The following INTS13 variants were observed in gnomAD, a reference collection of about 807,000 sequenced individuals.
INTS13 encodes asunder, spermatogenesis regulator homolog (Drosphila).
A neutral mutation model predicts 90.2 loss-of-function variants in INTS13; 35 were observed. The observed-to-expected ratio is 0.39, with a 90% CI of 0.30 to 0.51. The LOEUF is 0.51. INTS13 is among the 20% of genes least tolerant of loss of function. The pLI, the probability that INTS13 is intolerant of heterozygous loss-of-function variation, is 0.80. For synonymous variants in INTS13, 309 were observed against 277.1 expected (o/e 1.11, Z -1.14); for missense variants, 601 against 851.2 (o/e 0.71, Z 3.66).
intron 14 of INTS13, 139 bp downstream of exon 14, chr12:26,913,318 T>C: frequency 3.0e-6 from 2 of 675,648 alleles, no homozygotes; most frequent in Non-Finnish European, 5.0e-6. Context: ...TTAAGAATGA[T>C]AAAATTACAG....
intron 3 of INTS13, among the ~76,000 whole-genome samples, chr12:26,931,524 G>A (rs550463037): frequency 2.0e-5 from 3 of 152,202 alleles, no homozygotes; most frequent in Admixed American, 6.5e-5. Context: ...CATAGCACCC[G>A]TTAACAAAAA....
rs188457583 is a variant in INTS13, at chr12:26,920,115, G to A, written c.890-2382C>T. On this transcript the variant is annotated intron_variant, in intron 8 of 16. Transcript: ENST00000261191. ...TGCACTCCAGCCTGGGCGACAGAGCGAGACTCTGTCTCAAAAAAAAAAAAA... is the reference window on the plus strand; with the variant it reads ...TGCACTCCAGCCTGGGCGACAGAGCAAGACTCTGTCTCAAAAAAAAAAAAA... Among the ~76,000 whole-genome samples, 754 of 136,644 alleles carry A rather than the reference G, an allele frequency of 5.5e-3. 3 individuals carry two copies. Among genetic ancestry groups the A allele is most frequent in the African/African-American group, 0.02 (710 of 36,088 alleles). The allele number at this position is 136,644 out of a possible 152,430, so 89.6% of individuals were successfully genotyped here. A position where few individuals can be genotyped will look rare whatever the true frequency, so the allele number is the denominator to read the frequency against.
At chr12:26,925,635 A>T in intron 6 of INTS13, 126 bp downstream of exon 6, 2 of 770,864 alleles carry the variant, frequency 2.6e-6, no homozygotes, top group Non-Finnish European at 4.0e-6. Flanking sequence ...ATAGAGGTTT[A>T]CTTTGAAAAC....
Position 26,937,859 on chromosome 12 carries a change from G to C in INTS13, c.-75C>G. 1 of 152,864 alleles carries C rather than the reference G, an allele frequency of 6.5e-6. No homozygotes were observed. Among genetic ancestry groups the C allele is most frequent in the East Asian group, 1.9e-4 (1 of 5,196 alleles). 9.5% of individuals were successfully genotyped at this position (152,864 alleles called of 1,614,324 possible). ...ATGGACCACAGCCTCTCTGGAAAAG[G>C]CTGCTGGCTGGGCGGGGAGAGTCAG... On this transcript the variant is annotated 5_prime_UTR_variant, in exon 1 of 17. Coordinates refer to ENST00000261191, the MANE Select transcript of INTS13 (RefSeq NM_018164.3).
At chr12:26,929,050 A>C (rs1418047482) in intron 3 of INTS13, 145 bp from the exon 4 acceptor site, 5 of 680,576 alleles carry the variant, frequency 7.3e-6, no homozygotes, top group Non-Finnish European at 1.2e-5. Context: ...CAAATCCAGT[A>C]ACACACAAAG....
intron 15 of INTS13, 23 bp from the exon 16 acceptor site, chr12:26,906,460 A>T (rs1480945401): frequency 5.1e-6 from 8 of 1,581,666 alleles, no homozygotes; most frequent in Non-Finnish European, 6.8e-6. Context: ...TTAAAAGGAG[A>T]GAGAAAAAAA....
Position 26,917,737 on chromosome 12 carries a change from TA to T in INTS13, c.890-5del. ...CCGCCACCTAGATGCGAATCACCTT[TA>T]AAAATATGTCAGAGACATTACACAT... On this transcript the variant is annotated splice_region_variant and splice_polypyrimidine_tract_variant and intron_variant, in intron 8 of 16. Coordinates refer to ENST00000261191, the MANE Select transcript of INTS13 (RefSeq NM_018164.3). The T allele has an allele frequency of 3.2e-6, 5 of 1,586,012 alleles. No homozygotes were observed. Among genetic ancestry groups the T allele is most frequent in the Non-Finnish European group, 4.3e-6 (5 of 1,160,832 alleles).
intron 12 of INTS13, 43 bp downstream of exon 12, chr12:26,914,365 T>C (rs1162879245): frequency 3.2e-6 from 5 of 1,541,368 alleles, no homozygotes; most frequent in South Asian, 2.5e-5. Context: ...ATAAAGAATA[T>C]ATAACTAATC....
At chr12:26,911,355 T>A (rs763690137) in intron 14 of INTS13, 38 bp from the exon 15 acceptor site, 1 of 1,555,804 alleles carries the variant, frequency 6.4e-7, no homozygotes, top group African/African-American at 1.4e-5. Context: ...AAAGTTCAAA[T>A]TTTTAGAAGT....
At chr12:26,917,937 G>A (rs1951989093) in intron 8 of INTS13, among the ~76,000 whole-genome samples, 1 of 151,934 alleles carries the variant, frequency 6.6e-6, no homozygotes. Flanking sequence ...GCCTGACCAA[G>A]ATGGCGAAAC....
intron 3 of INTS13, among the ~76,000 whole-genome samples, chr12:26,931,727 A>C (rs1294538229): frequency 6.6e-6 from 1 of 152,212 alleles, no homozygotes; most frequent in Non-Finnish European, 1.5e-5. Flanking sequence ...AAACCTAACT[A>C]GTTGAGCATG....
chr12:26,917,770 C>T (rs768152746), intron 8 of INTS13, 37 bp from the exon 9 acceptor site: 3 of 1,376,998 alleles, frequency 2.2e-6, no homozygotes, highest in Non-Finnish European at 3.1e-6. Flanking sequence ...ACATTGTATA[C>T]ATGTATCAAA....
chr12:26,919,424 G>A (rs900672735), intron 8 of INTS13, among the ~76,000 whole-genome samples: 1 of 152,078 alleles, frequency 6.6e-6, no homozygotes, highest in South Asian at 2.1e-4. Context: ...GCATAGGCAC[G>A]GGGCGGGTTT....
At chr12:26,936,295 C>A (rs761449124) in intron 2 of INTS13, among the ~76,000 whole-genome samples, 1 of 152,210 alleles carries the variant, frequency 6.6e-6, no homozygotes, top group Non-Finnish European at 1.5e-5. Context: ...TCAATAACTA[C>A]AGTTCCTACC....
intron 5 of INTS13, among the ~76,000 whole-genome samples, chr12:26,927,009 T>A (rs1937912327): frequency 6.6e-6 from 1 of 152,248 alleles, no homozygotes; most frequent in Non-Finnish European, 1.5e-5. Context: ...CTCAGAGAGC[T>A]TCTAGGTTGG....
At chr12:26,936,475 G>T in intron 2 of INTS13, 104 bp downstream of exon 2, 2 of 818,410 alleles carry the variant, frequency 2.4e-6, no homozygotes, top group Non-Finnish European at 3.8e-6. Flanking sequence ...ACATTTTTAA[G>T]TAATAAACAC....
chr12:26,921,271 T>G (rs994787879), intron 8 of INTS13, among the ~76,000 whole-genome samples: 1 of 152,214 alleles, frequency 6.6e-6, no homozygotes, highest in Non-Finnish European at 1.5e-5. Context: ...TGGATTGAAA[T>G]AATTTTTAGA....
chr12:26,934,817 G>A (rs1365984609), intron 2 of INTS13, among the ~76,000 whole-genome samples, 187 bp from the exon 3 acceptor site: 4 of 152,198 alleles, frequency 2.6e-5, no homozygotes, highest in African/African-American at 2.4e-5. Flanking sequence ...ATAGAGTGAT[G>A]AATAAAAAAG....
At chr12:26,936,397 C>T (rs1293859249) in intron 2 of INTS13, among the ~76,000 whole-genome samples, 182 bp downstream of exon 2, 2 of 152,186 alleles carry the variant, frequency 1.3e-5, no homozygotes, top group Non-Finnish European at 2.9e-5. Context: ...TAATTGTTAG[C>T]TGTTATTATT....
Sources: gnomAD v4.1 joint callset for allele counts (sites outside exome capture counted in the v4.1 genomes callset) on GRCh38, gnomAD v4.1.1 for gene constraint, MANE v1.5 for transcripts, NCBI Gene and HGNC (gene_info 2026-07-23, HGNC 2026-07-21) for gene names.